The following CFI variants were observed in gnomAD, a reference collection of about 807,000 sequenced individuals.
CFI encodes the protein C3B/C4B inactivator.
Under a neutral mutation model 78.8 loss-of-function variants are expected in CFI, and 66 were observed. The observed-to-expected ratio is 0.84, with a 90% CI of 0.69 to 1.03. CFI has a LOEUF of 1.03. CFI is among the 50% of genes least tolerant of loss of function. CFI has a pLI of 0.00. For missense variants in CFI, 706 were observed against 704.5 expected, an observed-to-expected ratio of 1.00 and a Z score of -0.02; for synonymous variants, 250 against 232.6, an observed-to-expected ratio of 1.07 and a Z score of -0.68.
At chr4:109,781,492 T>TTAGATACCCTGAA (rs1223629783) in intron 1 of CFI, among the ~76,000 whole-genome samples, 11 of 151,922 alleles carry the variant, frequency 7.2e-5, no homozygotes, top group Non-Finnish European at 1.2e-4. Context: ...CCAATAACAA[T>TTAGATACCCTGAA]CAGCCATATT....
intron 1 of CFI, among the ~76,000 whole-genome samples, chr4:109,791,111 A>AT (rs1454598412): frequency 6.6e-6 from 1 of 151,828 alleles, no homozygotes; most frequent in Non-Finnish European, 1.5e-5. Flanking sequence ...ACAGCATGTT[A>AT]TTTTTTTGGA....
intron 1 of CFI, among the ~76,000 whole-genome samples, chr4:109,785,129 A>C (rs975135843): frequency 6.6e-6 from 1 of 152,108 alleles, no homozygotes; most frequent in Non-Finnish European, 1.5e-5. Flanking sequence ...CAAACCTATA[A>C]GAACTAATGA....
the CFI span, among the ~76,000 whole-genome samples, chr4:109,733,976 C>G: frequency 6.6e-6 from 1 of 151,914 alleles, no homozygotes; most frequent in Non-Finnish European, 1.5e-5. Context: ...TCAAGAGCAG[C>G]CTGGGTAACA....
At chr4:109,749,434 C>T in intron 9 of CFI, 65 bp downstream of exon 9, 1 of 1,479,150 alleles carries the variant, frequency 6.8e-7, no homozygotes. Context: ...CATCCTCCTG[C>T]CCCTTTCCCC....
chr4:109,760,001 A>G (rs1188381267), intron 6 of CFI: 2 of 581,190 alleles, frequency 3.4e-6, no homozygotes, highest in Non-Finnish European at 6.3e-6. Flanking sequence ...TGCAGGTGGA[A>G]AATGGGTACT....
At chr4:109,786,008 T>C (rs1158818514) in intron 1 of CFI, among the ~76,000 whole-genome samples, 2 of 151,662 alleles carry the variant, frequency 1.3e-5, no homozygotes, top group Admixed American at 1.3e-4. Context: ...AGTATGAAAA[T>C]GGACTAATAC....
Position 109,779,486 on chromosome 4 carries a change from A to G in CFI, c.58-12662T>C, listed in dbSNP as rs1429460515. 2.6e-5 allele frequency among the ~76,000 whole-genome samples: 4 copies of G among 152,340 alleles called. No individual in the cohort carries two copies. The East Asian group carries it at 5.8e-4, about 22-fold the overall frequency. On this transcript the variant is annotated intron_variant, in intron 1 of 12. Coordinates refer to ENST00000394634, the MANE Select transcript of CFI (RefSeq NM_000204.5). ...CCACTGCTCAACGAAATAAAAGAGG[A>G]CAAAAACAAATGGAGGAACATTCCA...
At chr4:109,799,683 A>C (rs1179447677) in intron 1 of CFI, among the ~76,000 whole-genome samples, 1 of 152,252 alleles carries the variant, frequency 6.6e-6, no homozygotes. Context: ...TAAGAGAAAC[A>C]GTTTGTATTT....
intron 2 of CFI, among the ~76,000 whole-genome samples, chr4:109,765,313 A>G (rs1049041565): frequency 2.0e-5 from 3 of 152,234 alleles, no homozygotes; most frequent in African/African-American, 4.8e-5. Context: ...CTTTAAAAAG[A>G]ATGTTTTAAG....
intron 8 of CFI, among the ~76,000 whole-genome samples, chr4:109,751,848 A>G (rs1177073880): frequency 6.6e-6 from 1 of 152,202 alleles, no homozygotes; most frequent in African/African-American, 2.4e-5. Context: ...CCACTGAAAC[A>G]GGGAGCTATT....
chr4:109,792,169 A>C (rs921019848), intron 1 of CFI, among the ~76,000 whole-genome samples: 1 of 152,172 alleles, frequency 6.6e-6, no homozygotes, highest in Admixed American at 6.5e-5. Context: ...AGTTCTATAT[A>C]TGTCTAGTTA....
intron 8 of CFI, among the ~76,000 whole-genome samples, chr4:109,752,132 A>G (rs1725221495): frequency 6.6e-6 from 1 of 152,330 alleles, no homozygotes; most frequent in Middle Eastern, 3.4e-3. Context: ...TCAAAAAATT[A>G]TGTCATGAGT....
rs1553917853 is a variant in CFI, at chr4:109,783,811, T to TGA, written c.58-16989_58-16988dup. ...ATTCAATGAGTGGATAAAGAAACTG[T>TGA]GATATATATATATATATATATATGA... On this transcript the variant is annotated intron_variant, in intron 1 of 12. Coordinates refer to ENST00000394634, the MANE Select transcript of CFI (RefSeq NM_000204.5). Among the ~76,000 whole-genome samples the TGA allele has an allele frequency of 3.8e-5, 4 of 105,788 alleles. 1 individual carries two copies. The highest frequency in any genetic ancestry group is 1.5e-4 in the African/African-American group (4 of 26,498). The allele number at this position is 105,788 out of a possible 152,430, so 69.4% of individuals were successfully genotyped here.
chr4:109,791,226 G>C (rs762121196), intron 1 of CFI, among the ~76,000 whole-genome samples: 7 of 151,694 alleles, frequency 4.6e-5, no homozygotes, highest in Non-Finnish European at 7.4e-5. Context: ...TCATATGATT[G>C]CTGCTGCATA....
At chr4:109,756,939 AAGAAAGAAAGAAAGAAAG>A (rs1726330224) in intron 7 of CFI, among the ~76,000 whole-genome samples, 1 of 150,396 alleles carries the variant, frequency 6.6e-6, no homozygotes, top group African/African-American at 2.4e-5. Context: ...GAAAGAAAGA[AAGAAAGAAAGAAAGAAAG>A]AAAGAAAGAA....
At chr4:109,751,031 G>GT (rs1270463594) in intron 8 of CFI, among the ~76,000 whole-genome samples, 1 of 152,134 alleles carries the variant, frequency 6.6e-6, no homozygotes, top group Non-Finnish European at 1.5e-5. Context: ...GAGAGAACTA[G>GT]CACAAGGATC....
the CFI span, among the ~76,000 whole-genome samples, chr4:109,735,105 C>T: frequency 2.0e-5 from 3 of 152,148 alleles, no homozygotes; most frequent in Non-Finnish European, 4.4e-5. Flanking sequence ...GTGTACACAA[C>T]TGTGACTGGC....
chr4:109,764,488 C>G (rs1727474871), intron 3 of CFI, 49 bp downstream of exon 3: 2 of 1,606,550 alleles, frequency 1.2e-6, no homozygotes, highest in South Asian at 2.2e-5. Context: ...AAAAAGCAAA[C>G]AGAACAATTA....
intron 3 of CFI, among the ~76,000 whole-genome samples, chr4:109,763,180 A>G (rs1351682386): frequency 1.3e-5 from 2 of 152,164 alleles, no homozygotes; most frequent in Non-Finnish European, 2.9e-5. Context: ...TTATTATATC[A>G]TCATAGTGAT....
Sources: allele counts gnomAD v4.1 joint callset (sites outside exome capture counted in the v4.1 genomes callset), GRCh38; gene constraint gnomAD v4.1.1; transcripts MANE v1.5; gene names NCBI Gene and HGNC (gene_info 2026-07-23, HGNC 2026-07-21).